CD2AP: variants seen among roughly 807,000 people sequenced by gnomAD.
The protein encoded by CD2AP is CD2-associated protein.
In CD2AP, 46 loss-of-function variants were observed where a neutral mutation model predicts 85.1. The ratio of observed to expected loss-of-function variants is 0.54; its 90% CI spans 0.43 to 0.69. CD2AP has a LOEUF of 0.69. CD2AP is among the 30% of genes least tolerant of loss of function. The probability of loss-of-function intolerance (pLI) is 0.00; values close to 1 mark genes in which losing one functional copy is unlikely to be tolerated. For synonymous variants in CD2AP, 255 were observed against 252.9 expected (o/e 1.01, Z -0.08); for missense variants, 769 against 729.5 (o/e 1.05, Z -0.62).
intron 2 of CD2AP, among the ~76,000 whole-genome samples, chr6:47,509,280 C>T (rs1766256454): frequency 6.6e-6 from 1 of 152,048 alleles, no homozygotes; most frequent in Non-Finnish European, 1.5e-5. Flanking sequence ...CATTAAAGAT[C>T]ACTAATCACA....
At chr6:47,611,660 A>C (rs1319271204) in intron 16 of CD2AP, among the ~76,000 whole-genome samples, 1 of 151,724 alleles carries the variant, frequency 6.6e-6, no homozygotes, top group East Asian at 1.9e-4. Context: ...AGAATTTTTC[A>C]AGTATTTGTT....
chr6:47,593,633 T>A (rs530778469), intron 11 of CD2AP, among the ~76,000 whole-genome samples: 8 of 152,030 alleles, frequency 5.3e-5, no homozygotes, highest in Non-Finnish European at 1.0e-4. Flanking sequence ...TGGTTAAAAA[T>A]TTTTTTAAGA....
In CD2AP at chr6:47,517,598, CTT is replaced by C. The variant is rs140821364; in HGVS notation, c.165+14162_165+14163del. Among the ~76,000 whole-genome samples, 1,255 of 152,238 alleles carry C rather than the reference CTT, an allele frequency of 8.2e-3. 17 individuals are homozygous for C. The highest frequency in any genetic ancestry group is 0.029 in the African/African-American group (1,204 of 41,536). ...AGCCACCGCGCCTGGCCCTAAACCT[CTT>C]TTTAAAATAAATTACCCAGCCTCAG... is the stretch of plus-strand genomic sequence containing the variant. On this transcript the variant is annotated intron_variant, in intron 2 of 17. Coordinates refer to ENST00000359314, the MANE Select transcript of CD2AP (RefSeq NM_012120.3).
intron 1 of CD2AP, among the ~76,000 whole-genome samples, chr6:47,484,955 C>T (rs1765529771): frequency 1.3e-5 from 2 of 152,130 alleles, no homozygotes; most frequent in Admixed American, 6.5e-5. Flanking sequence ...GAAAATTCCT[C>T]TTCCCTAGTG....
intron 12 of CD2AP, 45 bp from the exon 13 acceptor site, chr6:47,599,253 AGTC>A (rs1417144859): frequency 4.6e-6 from 7 of 1,511,920 alleles, no homozygotes; most frequent in South Asian, 1.1e-5. Flanking sequence ...TTTAAAAAAA[AGTC>A]GTGTTTCATA....
Position 47,626,108 on chromosome 6 carries a change from A to G in CD2AP, c.*1881A>G. On this transcript the variant is annotated 3_prime_UTR_variant, in exon 18 of 18. Coordinates refer to ENST00000359314, the MANE Select transcript of CD2AP (RefSeq NM_012120.3). ...GATCCCTGGTCATCCTAATAATGGG[A>G]TGAGGGAAGTTTCCAGCAGATTTCA... is the stretch of plus-strand genomic sequence containing the variant. The G allele has an allele frequency of 6.6e-6, 1 of 151,894 alleles. No individual in the cohort carries two copies. The highest frequency in any genetic ancestry group is 1.9e-4 in the East Asian group (1 of 5,198). 9.4% of individuals were successfully genotyped at this position (151,894 alleles called of 1,614,324 possible).
At chr6:47,491,878 C>G (rs2113968044) in intron 1 of CD2AP, among the ~76,000 whole-genome samples, 1 of 152,090 alleles carries the variant, frequency 6.6e-6, no homozygotes, top group East Asian at 1.9e-4. Flanking sequence ...ACCAGCACCC[C>G]CAAACAGAAC....
chr6:47,579,353 T>G, intron 8 of CD2AP, 32 bp from the exon 9 acceptor site: 1 of 1,108,108 alleles, frequency 9.0e-7, no homozygotes, highest in South Asian at 1.3e-5. Flanking sequence ...AAAAAAGGTC[T>G]ATTGTCTTAA....
chr6:47,540,014 C>CA (rs34425502), intron 3 of CD2AP, among the ~76,000 whole-genome samples: 90,299 of 143,904 alleles, frequency 0.63, 28,937 homozygotes, highest in Middle Eastern at 0.73. Context: ...CCCATCTCTA[C>CA]AAAAAAAAAA....
At chr6:47,491,870 C>T (rs1300983303) in intron 1 of CD2AP, among the ~76,000 whole-genome samples, 4 of 151,966 alleles carry the variant, frequency 2.6e-5, no homozygotes, top group Non-Finnish European at 5.9e-5. Context: ...AATACCTCAC[C>T]AGCACCCCCA....
At chr6:47,561,795 T>C (rs563138765) in intron 5 of CD2AP, among the ~76,000 whole-genome samples, 3 of 152,324 alleles carry the variant, frequency 2.0e-5, no homozygotes, top group African/African-American at 7.2e-5. Flanking sequence ...TTTATGTATT[T>C]ATTGAGACGG....
chr6:47,512,089 C>T (rs978662691), intron 2 of CD2AP, among the ~76,000 whole-genome samples: 1 of 151,870 alleles, frequency 6.6e-6, no homozygotes, highest in Non-Finnish European at 1.5e-5. Flanking sequence ...AGCCGGGAGG[C>T]GGAGCTTGCA....
At chr6:47,526,368 A>G (rs1357750435) in intron 2 of CD2AP, among the ~76,000 whole-genome samples, 1 of 152,190 alleles carries the variant, frequency 6.6e-6, no homozygotes, top group African/African-American at 2.4e-5. Context: ...CTTGAGGTCT[A>G]AGCAAAATTG....
At chr6:47,575,696 A>C (rs1462719632) in intron 6 of CD2AP, among the ~76,000 whole-genome samples, 1 of 152,212 alleles carries the variant, frequency 6.6e-6, no homozygotes, top group African/African-American at 2.4e-5. Context: ...GGGTTAAATT[A>C]CTGTTAAATA....
At chr6:47,615,881 T>C (rs909861375) in intron 17 of CD2AP, among the ~76,000 whole-genome samples, 1 of 151,150 alleles carries the variant, frequency 6.6e-6, no homozygotes, top group Non-Finnish European at 1.5e-5. Context: ...CTGAGTTCAC[T>C]CCGTTCTCCC....
chr6:47,495,429 C>A (rs1765835626), intron 1 of CD2AP, among the ~76,000 whole-genome samples: 1 of 152,084 alleles, frequency 6.6e-6, no homozygotes, highest in South Asian at 2.1e-4. Context: ...AAGAACTAAC[C>A]CTGCTGATAC....
At chr6:47,584,787 T>G (rs1471258769) in intron 11 of CD2AP, among the ~76,000 whole-genome samples, 2 of 152,152 alleles carry the variant, frequency 1.3e-5, no homozygotes, top group African/African-American at 4.8e-5. Context: ...GTAGGAGTCT[T>G]AGATCAGTTT....
intron 13 of CD2AP, among the ~76,000 whole-genome samples, chr6:47,603,301 T>C (rs565480065): frequency 5.5e-4 from 84 of 152,216 alleles, no homozygotes; most frequent in Non-Finnish European, 7.6e-4. Flanking sequence ...TAAAGTAATA[T>C]TTAACATATT....
At chr6:47,524,691 A>G (rs1766677501) in intron 2 of CD2AP, among the ~76,000 whole-genome samples, 2 of 152,132 alleles carry the variant, frequency 1.3e-5, no homozygotes, top group African/African-American at 4.8e-5. Flanking sequence ...TGCCATTGAC[A>G]GTGAATTTAT....
Sources: allele counts gnomAD v4.1 joint callset (sites outside exome capture counted in the v4.1 genomes callset), GRCh38; gene constraint gnomAD v4.1.1; transcripts MANE v1.5; gene names NCBI Gene and HGNC (gene_info 2026-07-23, HGNC 2026-07-21).